The following TMEM164 variants were observed in gnomAD, a reference collection of about 807,000 sequenced individuals.
TMEM164 encodes RP13-360B22.2.
TMEM164 carries 4 observed loss-of-function variants against 18.8 expected under a neutral mutation model. The ratio of observed to expected loss-of-function variants is 0.21; its 90% CI spans 0.10 to 0.49. The LOEUF (loss-of-function observed/expected upper bound fraction) is 0.49. Ranked by LOEUF, TMEM164 falls within the 20% of genes least tolerant of loss-of-function variation. The pLI is 0.98. For synonymous variants in TMEM164, 86 were observed against 101.7 expected, an observed-to-expected ratio of 0.85 and a Z score of 0.93; for missense variants, 108 against 239.9, an observed-to-expected ratio of 0.45 and a Z score of 3.63.
At chrX:110,144,948 G>C (rs2066831045) in intron 5 of TMEM164, 72 bp downstream of exon 5, 2 of 830,705 alleles carry the variant, frequency 2.4e-6, no homozygotes, top group African/African-American at 2.0e-5. Flanking sequence ...GGGAGTCACA[G>C]CCTCTTGGGT....
intron 4 of TMEM164, among the ~76,000 whole-genome samples, chrX:110,113,306 T>C (rs2066317566): frequency 1.8e-5 from 2 of 112,161 alleles, no homozygotes; most frequent in South Asian, 7.4e-4. Flanking sequence ...TTTGCCTATG[T>C]ATTTGCAATT....
chrX:110,042,843 A>G (rs913959661), intron 2 of TMEM164, among the ~76,000 whole-genome samples: 3 of 112,095 alleles, frequency 2.7e-5, no homozygotes, highest in Admixed American at 1.9e-4. Flanking sequence ...ATGTTTGTTC[A>G]AGTTCTTTGC....
chrX:110,020,212 C>T (rs1278240899), intron 2 of TMEM164: 5 of 167,155 alleles, frequency 3.0e-5, no homozygotes, highest in Non-Finnish European at 4.9e-5. Flanking sequence ...TTTTTGTATC[C>T]CCCGCACAGC....
At chrX:110,034,122 C>G (rs1191207436) in intron 2 of TMEM164, among the ~76,000 whole-genome samples, 1 of 111,992 alleles carries the variant, frequency 8.9e-6, no homozygotes, top group Non-Finnish European at 1.9e-5. Context: ...GACCCAGAAT[C>G]ACAGCTGTTT....
At position 110,023,668 on chromosome X, in the gene TMEM164, A is replaced by G. The variant is rs751319711; in HGVS notation, c.390+19504A>G. Among the ~76,000 whole-genome samples the G allele has an allele frequency of 1.3e-4, 14 of 111,727 alleles. No homozygotes were observed. In the South Asian group the frequency reaches 2.3e-3, roughly 18 times the overall value. ...AATAGATGCTATTATTTGCATTCCC[A>G]TTTTATAGATAAGAAAAATAAGGGT... On this transcript the variant is annotated intron_variant, in intron 2 of 6. Coordinates refer to ENST00000372068, the MANE Select transcript of TMEM164 (RefSeq NM_032227.4).
At chrX:110,018,467 C>G (rs1933607150) in intron 2 of TMEM164, among the ~76,000 whole-genome samples, 1 of 112,143 alleles carries the variant, frequency 8.9e-6, no homozygotes, top group Non-Finnish European at 1.9e-5. Flanking sequence ...GGCTCTGGAG[C>G]CAGACTAGTC....
chrX:110,150,275 C>G (rs1270585860), intron 5 of TMEM164, among the ~76,000 whole-genome samples: 1 of 111,274 alleles, frequency 9.0e-6, no homozygotes, highest in Non-Finnish European at 1.9e-5. Context: ...TGTAGATGGG[C>G]AAAATGGCAT....
intron 2 of TMEM164, among the ~76,000 whole-genome samples, chrX:110,014,744 C>CTTTTTTTTTTTTTTTTTTTTTTTTTTTTT (rs142705177): frequency 9.2e-5 from 5 of 54,236 alleles, no homozygotes; most frequent in Admixed American, 2.5e-4. Flanking sequence ...TTGGTTGTTT[C>CTTTTTTTTTTTTTTTTTTTTTTTTTTTTT]TTTTTTTTTT....
intron 3 of TMEM164, among the ~76,000 whole-genome samples, chrX:110,092,609 G>A (rs191042680): frequency 2.7e-5 from 3 of 111,939 alleles, no homozygotes; most frequent in South Asian, 3.7e-4. Flanking sequence ...GAGATTTGGG[G>A]CTGAGATGAT....
At chrX:110,096,921 G>GA (rs749305510) in intron 3 of TMEM164, among the ~76,000 whole-genome samples, 1 of 111,612 alleles carries the variant, frequency 9.0e-6, no homozygotes, top group African/African-American at 3.2e-5. Context: ...CACAAAGTGG[G>GA]AAAAAAATGT....
At chrX:110,157,509 T>C (rs1377823489) in intron 5 of TMEM164, among the ~76,000 whole-genome samples, 3 of 111,442 alleles carry the variant, frequency 2.7e-5, no homozygotes, top group African/African-American at 9.8e-5. Context: ...CTGAGCATGT[T>C]CAAATGCTAA....
chrX:110,021,359 CA>C (rs1398694538), intron 2 of TMEM164, among the ~76,000 whole-genome samples: 7 of 110,520 alleles, frequency 6.3e-5, no homozygotes, highest in Non-Finnish European at 1.3e-4. Context: ...GGGGGTGAGG[CA>C]GGGGGCATGG....
chrX:110,011,228 TCA>T (rs1932986296), intron 2 of TMEM164, among the ~76,000 whole-genome samples: 1 of 112,261 alleles, frequency 8.9e-6, no homozygotes, highest in Non-Finnish European at 1.9e-5. Context: ...TTCATTTTGT[TCA>T]CAGTTTTGAT....
intron 4 of TMEM164, among the ~76,000 whole-genome samples, chrX:110,123,735 T>C (rs761458915): frequency 2.8e-4 from 31 of 112,233 alleles, no homozygotes; most frequent in Non-Finnish European, 5.6e-4. Flanking sequence ...TGCAACACTT[T>C]GGGAGGCTCA....
chrX:110,093,959 A>G (rs1602610789), intron 3 of TMEM164, among the ~76,000 whole-genome samples: 1 of 111,681 alleles, frequency 9.0e-6, no homozygotes, highest in Admixed American at 9.5e-5. Context: ...GTAGTCATTC[A>G]GGAGCAGGTT....
chrX:110,028,108 T>A (rs1311821463), intron 2 of TMEM164, among the ~76,000 whole-genome samples: 1 of 112,392 alleles, frequency 8.9e-6, no homozygotes, highest in African/African-American at 3.2e-5. Context: ...TGTCTTTAAT[T>A]TATGTTTTGC....
intron 5 of TMEM164, among the ~76,000 whole-genome samples, chrX:110,155,323 A>T (rs1037307976): frequency 1.8e-5 from 2 of 110,544 alleles, no homozygotes; most frequent in Non-Finnish European, 3.8e-5. Flanking sequence ...ATCAATAGAG[A>T]TAACACAGGC....
intron 2 of TMEM164, among the ~76,000 whole-genome samples, chrX:110,015,029 C>T (rs1008460336): frequency 3.6e-5 from 4 of 111,633 alleles, no homozygotes; most frequent in Non-Finnish European, 3.8e-5. Flanking sequence ...CTTACATCTC[C>T]GGGATATGGT....
chrX:110,046,342 T>A (rs1935316211), intron 2 of TMEM164: 1 of 752,673 alleles, frequency 1.3e-6, no homozygotes, highest in African/African-American at 2.3e-5. Context: ...GCCTTTTGCT[T>A]ATTCCTCTTT....
Sources: allele counts gnomAD v4.1 joint callset (sites outside exome capture counted in the v4.1 genomes callset), GRCh38; gene constraint gnomAD v4.1.1; transcripts MANE v1.5; gene names NCBI Gene and HGNC (gene_info 2026-07-23, HGNC 2026-07-21).